ATP6V0A1: variants seen among roughly 807,000 people sequenced by gnomAD.
The protein encoded by ATP6V0A1 is V-type proton ATPase 116 kDa subunit a 1.
Under a neutral mutation model 105.4 loss-of-function variants are expected in ATP6V0A1, and 43 were observed. The ratio of observed to expected loss-of-function variants is 0.41; its 90% CI spans 0.32 to 0.53. The LOEUF is 0.53. Ranked by LOEUF, ATP6V0A1 falls within the 20% of genes least tolerant of loss-of-function variation. ATP6V0A1 has a pLI of 0.30. For missense variants in ATP6V0A1, 676 were observed against 1,051.1 expected (o/e 0.64, Z 4.93); for synonymous variants, 362 against 372.8 (o/e 0.97, Z 0.33).
chr17:42,460,829 C>T lies in ATP6V0A1; in HGVS notation c.-47-19C>T. The T allele has an allele frequency of 1.5e-6, 2 of 1,334,886 alleles. No homozygotes were observed. Among genetic ancestry groups the T allele is most frequent in the East Asian group, 2.3e-5 (1 of 43,372 alleles). The allele number at this position is 1,334,886 out of a possible 1,614,324, so 82.7% of individuals were successfully genotyped here. On this transcript the variant is annotated intron_variant, in intron 1 of 21. Transcript: ENST00000343619. The stretch of plus-strand genomic sequence containing the variant: ...CTCGTGGTAATTTCCAAAGTTATGT[C>T]ATTTTCTCTTTGCTTCAGGTTGGAG...
intron 1 of ATP6V0A1, among the ~76,000 whole-genome samples, chr17:42,459,950 G>C (rs2086215238): frequency 6.6e-6 from 1 of 152,166 alleles, no homozygotes; most frequent in African/African-American, 2.4e-5. Flanking sequence ...TTGGATACTG[G>C]ACAGGCTGTG....
intron 20 of ATP6V0A1, 129 bp downstream of exon 20, chr17:42,514,107 A>T: frequency 7.7e-7 from 1 of 1,294,178 alleles, no homozygotes; most frequent in Non-Finnish European, 1.1e-6. Context: ...GAACCCAAGG[A>T]GAATGAGTAC....
Position 42,460,903 on chromosome 17 carries a change from G to C in ATP6V0A1, c.9G>C (p.Glu3Asp). Residue 3 changes from glutamate to aspartate, a missense_variant, in exon 2 of 22, where the codon GAG becomes GAC. Transcript: ENST00000343619. Reference sequence around the variant, plus strand: ...TGGTACCTTCTGCCACCATGGGGGAGCTTTTCCGGAGTGAAGAAATGACAC... The same window carrying C: ...TGGTACCTTCTGCCACCATGGGGGACCTTTTCCGGAGTGAAGAAATGACAC... The part of the protein sequence containing the change: MG[E>D]LFRSEEMTLA... The C allele has an allele frequency of 6.2e-7, 1 of 1,613,860 alleles. No homozygotes were observed. Among genetic ancestry groups the C allele is most frequent in the Non-Finnish European group, 8.5e-7 (1 of 1,179,788 alleles).
chr17:42,468,023 A>C lies in ATP6V0A1; in HGVS notation c.210A>C (p.Lys70Asn). Residue 70 changes from lysine to asparagine, a missense_variant, in exon 4 of 22, where the codon AAA becomes AAC. Transcript: ENST00000343619. The stretch of plus-strand genomic sequence containing the variant: ...CTGTCATTTTAGGATTTGTTGAGAA[A>C]GAGATAAGAAAAGCTAACATTCCGA... Reference protein sequence around the residue: ...EMDRKLRFVEKEIRKANIPIM... With the variant: ...EMDRKLRFVENEIRKANIPIM... The C allele has an allele frequency of 1.2e-6, 2 of 1,603,746 alleles. No individual in the cohort carries two copies. The highest frequency in any genetic ancestry group is 1.7e-6 in the Non-Finnish European group (2 of 1,174,812).
chr17:42,513,161 A>C (rs1234718572), intron 19 of ATP6V0A1, among the ~76,000 whole-genome samples: 1 of 152,132 alleles, frequency 6.6e-6, no homozygotes, highest in Non-Finnish European at 1.5e-5. Context: ...GAAACTGGAG[A>C]TATGCTATTT....
intron 19 of ATP6V0A1, 93 bp downstream of exon 19, chr17:42,508,682 C>A: frequency 1.9e-6 from 3 of 1,539,308 alleles, no homozygotes; most frequent in African/African-American, 2.7e-5. Context: ...CACCCTGGGG[C>A]CATACACATG....
In ATP6V0A1 at chr17:42,470,249, C is replaced by T. The variant is rs1442019087; in HGVS notation, c.423+31C>T. 5 of 1,607,300 alleles carry T rather than the reference C, an allele frequency of 3.1e-6. No homozygotes were observed. The East Asian group carries it at 6.7e-5, about 22-fold the overall frequency. ...ACTATTGTTTCTTTTAGTATTTGAG[C>T]AGCTGATATTATACTCACACAAGTG... On this transcript the variant is annotated intron_variant, in intron 5 of 21. Coordinates refer to ENST00000343619, the MANE Select transcript of ATP6V0A1 (RefSeq NM_001130021.3).
At chr17:42,495,745 C>T (rs1162352499) in intron 14 of ATP6V0A1, 29 bp downstream of exon 14, 1 of 1,563,688 alleles carries the variant, frequency 6.4e-7, no homozygotes, top group African/African-American at 1.4e-5. Context: ...TATATGCTAA[C>T]CTCAAATTTT....
At chr17:42,483,242 C>A in intron 9 of ATP6V0A1, 111 bp downstream of exon 9, 1 of 755,748 alleles carries the variant, frequency 1.3e-6, no homozygotes, top group Non-Finnish European at 1.9e-6. Flanking sequence ...AACCAGGATA[C>A]CAAAAAAAGA....
intron 20 of ATP6V0A1, 40 bp downstream of exon 20, chr17:42,514,018 C>T (rs1392456666): frequency 6.3e-7 from 1 of 1,579,612 alleles, no homozygotes; most frequent in Non-Finnish European, 8.7e-7. Context: ...CTAGTTTCCC[C>T]CTCTGTGGGC....
At chr17:42,474,382 G>A (rs2088441666) in intron 5 of ATP6V0A1, among the ~76,000 whole-genome samples, 1 of 152,006 alleles carries the variant, frequency 6.6e-6, no homozygotes, top group South Asian at 2.1e-4. Flanking sequence ...GGCTATGAGA[G>A]GTTCTTATGC....
At chr17:42,517,584 G>T (rs2092683695) in intron 21 of ATP6V0A1, among the ~76,000 whole-genome samples, 1 of 152,196 alleles carries the variant, frequency 6.6e-6, no homozygotes, top group Admixed American at 6.5e-5. Context: ...CACGAGTGGG[G>T]CGCCTCCCCC....
chr17:42,470,374 A>G, intron 5 of ATP6V0A1, 156 bp downstream of exon 5: 1 of 917,602 alleles, frequency 1.1e-6, no homozygotes, highest in Non-Finnish European at 1.6e-6. Flanking sequence ...ATTATGTTCC[A>G]TTTTTCATGC....
chr17:42,481,654 G>A (rs2089519391), intron 8 of ATP6V0A1, among the ~76,000 whole-genome samples: 1 of 152,028 alleles, frequency 6.6e-6, no homozygotes, highest in South Asian at 2.1e-4. Context: ...GACCAGCCTG[G>A]CCAACTTAGT....
At chr17:42,512,722 C>A (rs2146283443) in intron 19 of ATP6V0A1, among the ~76,000 whole-genome samples, 1 of 152,334 alleles carries the variant, frequency 6.6e-6, no homozygotes, top group Admixed American at 6.5e-5. Context: ...TTCTCCCATC[C>A]CCATGTTCTC....
rs560881570 is a variant in ATP6V0A1 at position 42,477,586 on chromosome 17, G to A, written c.424-74G>A. On this transcript the variant is annotated intron_variant, in intron 5 of 21. Transcript: ENST00000343619. ...TGAACCTGTCTCCTGGTTCCTCGTT[G>A]CCTGCATGCCACTAACTATTTTCAT... The A allele has an allele frequency of 8.7e-6, 13 of 1,486,880 alleles. No homozygotes were observed. The East Asian group carries it at 1.9e-4, about 21-fold the overall frequency. 92.1% of individuals were successfully genotyped at this position (1,486,880 alleles called of 1,614,324 possible).
At chr17:42,502,568 T>G (rs1225868063) in intron 17 of ATP6V0A1, among the ~76,000 whole-genome samples, 1 of 152,188 alleles carries the variant, frequency 6.6e-6, no homozygotes, top group Non-Finnish European at 1.5e-5. Flanking sequence ...GGGTATCCAA[T>G]AGCACTTACT....
intron 3 of ATP6V0A1, 54 bp from the exon 4 acceptor site, chr17:42,467,956 G>A (rs931270289): frequency 1.6e-6 from 2 of 1,236,212 alleles, no homozygotes; most frequent in East Asian, 5.2e-5. Context: ...CTTAAATAAT[G>A]GCAATTACGA....
intron 4 of ATP6V0A1, among the ~76,000 whole-genome samples, chr17:42,468,886 C>T (rs2087472567): frequency 6.6e-6 from 1 of 152,090 alleles, no homozygotes; most frequent in African/African-American, 2.4e-5. Context: ...ATAGCTATCA[C>T]CTAGGCTGGA....
Sources: gnomAD v4.1 joint callset for allele counts (sites outside exome capture counted in the v4.1 genomes callset) on GRCh38, gnomAD v4.1.1 for gene constraint, MANE v1.5 for transcripts, NCBI Gene and HGNC (gene_info 2026-07-23, HGNC 2026-07-21) for gene names.